Variants in C4BPB observed in about 807,000 individuals in gnomAD.
C4BPB encodes the protein complement component 4 binding protein beta.
In C4BPB, 19 loss-of-function variants were observed where a neutral mutation model predicts 26.6. The ratio of observed to expected loss-of-function variants is 0.71; its 90% CI spans 0.50 to 1.05. The LOEUF is 1.05. C4BPB is among the 50% of genes least tolerant of loss of function. The probability of loss-of-function intolerance (pLI) is 0.00; values close to 1 mark genes in which losing one functional copy is unlikely to be tolerated. For synonymous variants in C4BPB, 118 were observed against 103.5 expected, an observed-to-expected ratio of 1.14 and a Z score of -0.85; for missense variants, 282 against 302.9, an observed-to-expected ratio of 0.93 and a Z score of 0.51.
rs1683913555 is a variant in C4BPB at position 207,088,912 on chromosome 1, G to T, written c.-85G>T. ...TGGAGTCAGTTAAGACCAGTTCCTT[G>T]CTGGGAAGCCCTAACTCTGGAGGGA... On this transcript the variant is annotated 5_prime_UTR_variant, in exon 1 of 7. Transcript: ENST00000367078. 6.6e-6 allele frequency: 1 copy of T among 152,662 alleles called. No homozygotes were observed. The highest frequency in any genetic ancestry group is 2.4e-5 in the African/African-American group (1 of 41,444). 9.5% of individuals were successfully genotyped at this position (152,662 alleles called of 1,614,324 possible).
chr1:207,096,441 A>C, intron 4 of C4BPB, 81 bp from the exon 5 acceptor site: 1 of 845,256 alleles, frequency 1.2e-6, no homozygotes, highest in Non-Finnish European at 2.1e-6. Context: ...AGGTGCTGGC[A>C]TAAACAGCTG....
At chr1:207,095,576 C>A (rs983979635) in intron 4 of C4BPB, 4 of 370,170 alleles carry the variant, frequency 1.1e-5, no homozygotes, top group Middle Eastern at 9.5e-4. Context: ...TGATCCACCC[C>A]CTTCAGCCTC....
At chr1:207,092,588 C>T (rs1463223780) in intron 4 of C4BPB, among the ~76,000 whole-genome samples, 3 of 151,122 alleles carry the variant, frequency 2.0e-5, no homozygotes, top group East Asian at 1.9e-4. Flanking sequence ...ATATTTTATA[C>T]ACACACATAT....
chr1:207,092,827 A>G (rs985448005), intron 4 of C4BPB, among the ~76,000 whole-genome samples: 2 of 151,920 alleles, frequency 1.3e-5, no homozygotes, highest in East Asian at 3.9e-4. Flanking sequence ...GGGTTTCACC[A>G]TCTTGGCCAG....
intron 4 of C4BPB, chr1:207,095,934 C>T (rs541595212): frequency 1.5e-4 from 25 of 171,096 alleles, no homozygotes; most frequent in East Asian, 3.7e-4. Context: ...GTAAGTTTTC[C>T]GAGGCCTCCC....
At chr1:207,090,168 G>A (rs1326736554) in intron 2 of C4BPB, 140 bp from the exon 3 acceptor site, 3 of 646,084 alleles carry the variant, frequency 4.6e-6, no homozygotes, top group Non-Finnish European at 7.5e-6. Context: ...CTACTTGGGA[G>A]TAGAATACAG....
At chr1:207,092,031 C>T (rs1250690584) in intron 4 of C4BPB, among the ~76,000 whole-genome samples, 1 of 152,192 alleles carries the variant, frequency 6.6e-6, no homozygotes, top group Non-Finnish European at 1.5e-5. Flanking sequence ...ATCCAAAGCA[C>T]ACATTTTTCC....
Position 207,089,465 on chromosome 1 carries a change from A to G in C4BPB, c.-50-17A>G, listed in dbSNP as rs1683933117. The stretch of plus-strand genomic sequence containing the variant: ...GGTCTTAAGCAGTGTTAGAAGATCT[A>G]TTTTTTTTCAAACCAGGTGTCTGAG... On this transcript the variant is annotated splice_polypyrimidine_tract_variant and intron_variant, in intron 1 of 6. Transcript: ENST00000367078. 2.1e-6 allele frequency: 3 copies of G among 1,424,626 alleles called. No homozygotes were observed. The highest frequency in any genetic ancestry group is 3.0e-6 in the Non-Finnish European group (3 of 1,008,542). 88.2% of individuals were successfully genotyped at this position (1,424,626 alleles called of 1,614,324 possible).
downstream of C4BPB, chr1:207,099,993 ATTGG>A: frequency 1.3e-6 from 2 of 1,496,768 alleles, no homozygotes; most frequent in Non-Finnish European, 1.8e-6. Context: ...TGGTTCTGAA[ATTGG>A]TTTCAGATTT....
At chr1:207,096,200 T>C (rs1227655978) in intron 4 of C4BPB, 1 of 315,236 alleles carries the variant, frequency 3.2e-6, no homozygotes, top group Non-Finnish European at 6.0e-6. Flanking sequence ...TCTTTTCTTG[T>C]ACATTAACAA....
At chr1:207,099,104 G>A (rs1684367693) in intron 6 of C4BPB, among the ~76,000 whole-genome samples, 1 of 151,828 alleles carries the variant, frequency 6.6e-6, no homozygotes, top group South Asian at 2.1e-4. Context: ...TCAGGCATTA[G>A]ATTCTCATCT....
chr1:207,093,111 T>C (rs192408208), intron 4 of C4BPB, among the ~76,000 whole-genome samples: 2 of 152,170 alleles, frequency 1.3e-5, no homozygotes, highest in African/African-American at 4.8e-5. Flanking sequence ...TTAGTTGAAT[T>C]TGAAATGTAA....
rs1684039020 is a variant in C4BPB at position 207,091,791 on chromosome 1, G to A, written c.380G>A (p.Trp127Ter). Reference protein sequence around the residue: ...NRSQCLEDHTWAPPFPICKSR... With the variant: ...NRSQCLEDHT The stretch of plus-strand genomic sequence containing the variant: ...AGCCAGTGTCTAGAGGACCACACCT[G>A]GGCACCTCCCTTTCCCATCTGCAAA... The change falls in exon 4 of 7, where the codon TGG becomes TAG. Residue 127 changes from tryptophan to a stop codon, truncating the protein, a stop_gained. Coordinates refer to ENST00000367078, the MANE Select transcript of C4BPB (RefSeq NM_001017365.3). LOFTEE classifies it high-confidence loss of function. The A allele has an allele frequency of 6.2e-7, 1 of 1,613,828 alleles. No individual in the cohort carries two copies. The highest frequency in any genetic ancestry group is 8.5e-7 in the Non-Finnish European group (1 of 1,179,890).
chr1:207,098,692 AATG>A (rs889310704), intron 6 of C4BPB, among the ~76,000 whole-genome samples: 1 of 152,218 alleles, frequency 6.6e-6, no homozygotes, highest in African/African-American at 2.4e-5. Context: ...TATATAATAA[AATG>A]ATTATATAAC....
chr1:207,089,734 T>C (rs1683948967), intron 2 of C4BPB, 145 bp downstream of exon 2: 1 of 680,298 alleles, frequency 1.5e-6, no homozygotes, highest in East Asian at 2.7e-5. Flanking sequence ...GGCCTAATGC[T>C]CTGCACTCAA....
chr1:207,092,652 G>C (rs1272220243), intron 4 of C4BPB, among the ~76,000 whole-genome samples: 2 of 144,014 alleles, frequency 1.4e-5, no homozygotes, highest in Non-Finnish European at 3.0e-5. Context: ...TTTTGAGATG[G>C]AGTCTTACTC....
At chr1:207,090,830 G>A (rs1316967432) in intron 3 of C4BPB, among the ~76,000 whole-genome samples, 2 of 152,118 alleles carry the variant, frequency 1.3e-5, no homozygotes, top group African/African-American at 4.8e-5. Context: ...AACGACAGAA[G>A]AGTCAAATTC....
intron 3 of C4BPB, among the ~76,000 whole-genome samples, chr1:207,090,886 A>C (rs1444997218): frequency 6.6e-6 from 1 of 152,230 alleles, no homozygotes; most frequent in African/African-American, 2.4e-5. Context: ...TCCACACATG[A>C]TAATCTTGTT....
In C4BPB at chr1:207,098,277, C is replaced by T. The variant is rs140300988; in HGVS notation, c.618+13C>T. The T allele has an allele frequency of 4.3e-5, 63 of 1,471,692 alleles. 1 individual carries two copies. In the East Asian group the frequency reaches 1.3e-3, roughly 31 times the overall value. 91.2% of individuals were successfully genotyped at this position (1,471,692 alleles called of 1,614,324 possible). On this transcript the variant is annotated intron_variant, in intron 6 of 6. Coordinates refer to ENST00000367078, the MANE Select transcript of C4BPB (RefSeq NM_001017365.3). ...TGAGAAGGCACTTGTAAGTAGGAGGCTCATATCTGTCTTGTTCACAGCTGG... is the reference window on the plus strand; with the variant it reads ...TGAGAAGGCACTTGTAAGTAGGAGGTTCATATCTGTCTTGTTCACAGCTGG...
Sources: gnomAD v4.1 joint callset for allele counts (sites outside exome capture counted in the v4.1 genomes callset) on GRCh38, gnomAD v4.1.1 for gene constraint, MANE v1.5 for transcripts, NCBI Gene and HGNC (gene_info 2026-07-23, HGNC 2026-07-21) for gene names.